The following RYR3 variants were observed in gnomAD, a reference collection of about 807,000 sequenced individuals.
RYR3 encodes brain ryanodine receptor-calcium release channel.
In RYR3, 207 loss-of-function variants were observed where a neutral mutation model predicts 584.3. That is an observed-to-expected ratio of 0.35 (90% CI 0.32 to 0.40). The LOEUF (loss-of-function observed/expected upper bound fraction) is 0.40. Ranked by LOEUF, RYR3 falls within the 10% of genes least tolerant of loss-of-function variation. RYR3 has a pLI of 1.00. For missense variants in RYR3, 5,616 were observed against 6,089.2 expected, an observed-to-expected ratio of 0.92 and a Z score of 2.59; for synonymous variants, 2,416 against 2,248.5, an observed-to-expected ratio of 1.07 and a Z score of -2.11.
At chr15:33,827,148 G>A (rs2077419551) in intron 84 of RYR3, 51 bp from the exon 85 acceptor site, 1 of 1,440,256 alleles carries the variant, frequency 6.9e-7, no homozygotes, top group South Asian at 1.2e-5. Flanking sequence ...GGCATGCTTG[G>A]CCCCCTCGGC....
rs764208350 is a variant in RYR3 at position 33,644,337 on chromosome 15, C to G, written c.3583C>G (p.Leu1195Val). The change falls in exon 28 of 104, where the codon CTA (leucine) becomes GTA (valine). Residue 1195 changes from leucine to valine, a missense_variant. Around this residue, in one of 9 missense-constraint regions of RYR3, gnomAD observed 152 missense variants for 200.9 expected, o/e 0.76. Transcript: ENST00000634891. ...CTTCGTGCCCATCTGCTGTCTGGGT[C>G]TATCTCAGATCGGCCGCATGAATCT... is the stretch of plus-strand genomic sequence containing the variant. ...NGFVPICCLGLSQIGRMNLGT... is the reference protein window; with the variant it reads ...NGFVPICCLGVSQIGRMNLGT... 5 of 1,612,348 alleles carry G rather than the reference C, an allele frequency of 3.1e-6. No homozygotes were observed. The highest frequency in any genetic ancestry group is 3.4e-6 in the Non-Finnish European group (4 of 1,179,284).
intron 27 of RYR3, 120 bp downstream of exon 27, chr15:33,636,670 C>G: frequency 1.1e-6 from 1 of 885,172 alleles, no homozygotes; most frequent in Non-Finnish European, 1.7e-6. Context: ...TATTTGAAAA[C>G]CCTAATGGTG....
At chr15:33,430,511 G>A (rs1373744660) in intron 1 of RYR3, among the ~76,000 whole-genome samples, 1 of 152,162 alleles carries the variant, frequency 6.6e-6, no homozygotes, top group Non-Finnish European at 1.5e-5. Flanking sequence ...ACTTAGGGAC[G>A]TGACCTCCTC....
intron 1 of RYR3, among the ~76,000 whole-genome samples, chr15:33,336,263 C>G (rs1970950845): frequency 6.6e-6 from 1 of 151,246 alleles, no homozygotes; most frequent in African/African-American, 2.4e-5. Context: ...GAAACGCTGT[C>G]TCTACTATAA....
intron 67 of RYR3, 80 bp from the exon 68 acceptor site, chr15:33,800,690 G>A (rs1031293535): frequency 1.0e-6 from 1 of 975,764 alleles, no homozygotes. Context: ...TATGTCTCCA[G>A]TGCTGGTATA....
intron 60 of RYR3, among the ~76,000 whole-genome samples, chr15:33,759,045 C>T (rs1161918629): frequency 6.6e-6 from 1 of 152,216 alleles, no homozygotes; most frequent in Non-Finnish European, 1.5e-5. Context: ...AGACCTGCAG[C>T]AGAGGGACCT....
intron 1 of RYR3, among the ~76,000 whole-genome samples, chr15:33,381,166 A>G (rs149607485): frequency 1.3e-5 from 2 of 152,102 alleles, no homozygotes; most frequent in East Asian, 1.9e-4. Flanking sequence ...TCAGTTTGCT[A>G]TCATCTGGTT....
chr15:33,678,240 C>T (rs1265350136), intron 38 of RYR3, among the ~76,000 whole-genome samples: 1 of 152,090 alleles, frequency 6.6e-6, no homozygotes, highest in Non-Finnish European at 1.5e-5. Context: ...AATTGTAATC[C>T]CCACGTGTTG....
At chr15:33,339,554 T>C (rs1971548774) in intron 1 of RYR3, among the ~76,000 whole-genome samples, 1 of 152,082 alleles carries the variant, frequency 6.6e-6, no homozygotes, top group Non-Finnish European at 1.5e-5. Context: ...AAAGATAGCC[T>C]CAGAAGGCAA....
chr15:33,436,217 T>C (rs900953942), intron 1 of RYR3, among the ~76,000 whole-genome samples: 1 of 152,220 alleles, frequency 6.6e-6, no homozygotes, highest in Non-Finnish European at 1.5e-5. Context: ...ATATCTTTGC[T>C]ATACTGATTT....
At position 33,704,691 on chromosome 15, in the gene RYR3, A is replaced by G. The variant is rs1477784317; in HGVS notation, c.6484-2228A>G. On this transcript the variant is annotated intron_variant, in intron 42 of 103. Transcript: ENST00000634891. ...GGGTCTTTTTGGACAAGGCAATGCCACAAGGTTTTGAACTCCATATCCTAT... is the reference window on the plus strand; with the variant it reads ...GGGTCTTTTTGGACAAGGCAATGCCGCAAGGTTTTGAACTCCATATCCTAT... Among the ~76,000 whole-genome samples the G allele has an allele frequency of 2.4e-4, 37 of 152,260 alleles. 1 individual carries two copies. The highest frequency in any genetic ancestry group is 5.9e-5 in the Non-Finnish European group (4 of 68,054).
chr15:33,497,168 G>A (rs1023971035), intron 2 of RYR3, among the ~76,000 whole-genome samples: 6 of 152,152 alleles, frequency 3.9e-5, no homozygotes, highest in African/African-American at 1.4e-4. Context: ...AGAGGAGCCT[G>A]CCTCTGCTGA....
At chr15:33,498,856 T>C (rs2051681600) in intron 2 of RYR3, among the ~76,000 whole-genome samples, 1 of 152,128 alleles carries the variant, frequency 6.6e-6, no homozygotes, top group South Asian at 2.1e-4. Flanking sequence ...TTTTTGTATA[T>C]GGTGTGTGTG....
intron 38 of RYR3, among the ~76,000 whole-genome samples, chr15:33,677,169 C>T (rs147344909): frequency 4.6e-5 from 7 of 152,032 alleles, no homozygotes; most frequent in Non-Finnish European, 8.8e-5. Context: ...TTCCGTATCC[C>T]GGACCCACAC....
chr15:33,508,459 C>T (rs1273760099), intron 3 of RYR3, among the ~76,000 whole-genome samples: 3 of 151,956 alleles, frequency 2.0e-5, no homozygotes, highest in Non-Finnish European at 4.4e-5. Context: ...ACCATCCTGG[C>T]TAACACAGTG....
intron 12 of RYR3, among the ~76,000 whole-genome samples, chr15:33,574,208 A>C (rs1445457221): frequency 2.0e-5 from 3 of 152,200 alleles, no homozygotes; most frequent in Non-Finnish European, 1.5e-5. Flanking sequence ...AAATGTCTAT[A>C]AACCTCTTGC....
chr15:33,801,540 CT>C (rs1304648817), intron 68 of RYR3, among the ~76,000 whole-genome samples: 1 of 152,124 alleles, frequency 6.6e-6, no homozygotes, highest in African/African-American at 2.4e-5. Flanking sequence ...TTTTTATTTC[CT>C]TCCAGGCCTG....
At chr15:33,556,549 G>A (rs896423273) in intron 10 of RYR3, among the ~76,000 whole-genome samples, 1 of 152,166 alleles carries the variant, frequency 6.6e-6, no homozygotes, top group Non-Finnish European at 1.5e-5. Flanking sequence ...GAGCTTATAC[G>A]ATCATGATAT....
At chr15:33,718,678 A>G (rs1051901722) in intron 43 of RYR3, among the ~76,000 whole-genome samples, 7 of 152,202 alleles carry the variant, frequency 4.6e-5, no homozygotes, top group Non-Finnish European at 4.4e-5. Flanking sequence ...GAGAAAAGTG[A>G]TGGGCTGAAG....
Sources: gnomAD v4.1 joint callset for allele counts (sites outside exome capture counted in the v4.1 genomes callset) on GRCh38, gnomAD v4.1.1 for gene constraint, gnomAD v4.1.1 regional missense constraint, MANE v1.5 for transcripts, NCBI Gene and HGNC (gene_info 2026-07-23, HGNC 2026-07-21) for gene names.